The following GPR158 variants were observed in gnomAD, a reference collection of about 807,000 sequenced individuals.
GPR158 encodes G protein-coupled receptor 158, also known as metabotropic glycine receptor.
A neutral mutation model predicts 78.2 loss-of-function variants in GPR158; 30 were observed. The observed-to-expected ratio is 0.38, with a 90% CI of 0.29 to 0.52. The LOEUF is 0.52. Among genes scored for constraint, GPR158 ranks in the 20% least tolerant of loss-of-function variants. GPR158 has a pLI of 0.83. For synonymous variants in GPR158, 581 were observed against 591.1 expected (o/e 0.98, Z 0.25); for missense variants, 1,463 against 1,523.5 (o/e 0.96, Z 0.66).
At chr10:25,262,522 C>G (rs919905199) in intron 2 of GPR158, among the ~76,000 whole-genome samples, 3 of 152,054 alleles carry the variant, frequency 2.0e-5, no homozygotes, top group Non-Finnish European at 4.4e-5. Flanking sequence ...TAAATACCCA[C>G]AAATTTCTAG....
At chr10:25,245,677 A>C (rs970553319) in intron 2 of GPR158, among the ~76,000 whole-genome samples, 2 of 152,212 alleles carry the variant, frequency 1.3e-5, no homozygotes, top group African/African-American at 4.8e-5. Flanking sequence ...GAACTTTTTA[A>C]AGAGAAGACA....
At chr10:25,441,067 T>C (rs1835060103) in intron 4 of GPR158, among the ~76,000 whole-genome samples, 1 of 152,172 alleles carries the variant, frequency 6.6e-6, no homozygotes, top group Non-Finnish European at 1.5e-5. Context: ...CTATAACCCT[T>C]GTGGGCCTAT....
Position 25,602,013 on chromosome 10 carries a change from C to T in GPR158, c.*2739C>T, listed in dbSNP as rs1837506426. On this transcript the variant is annotated 3_prime_UTR_variant, in exon 11 of 11. Coordinates refer to ENST00000376351, the MANE Select transcript of GPR158 (RefSeq NM_020752.3). ...TGCATGCAAGTTATGACAGGTAGGA[C>T]TGAAAAAACACTGCCTTTTGACTTC... 6.6e-6 allele frequency: 1 copy of T among 152,518 alleles called. No individual in the cohort carries two copies. The highest frequency in any genetic ancestry group is 2.1e-4 in the South Asian group (1 of 4,820). 9.4% of individuals were successfully genotyped at this position (152,518 alleles called of 1,614,324 possible). A position where few individuals can be genotyped will look rare whatever the true frequency, so the allele number is the denominator to read the frequency against.
At chr10:25,311,453 A>G (rs1301560776) in intron 2 of GPR158, among the ~76,000 whole-genome samples, 1 of 151,894 alleles carries the variant, frequency 6.6e-6, no homozygotes, top group Admixed American at 6.6e-5. Context: ...TTATAACATT[A>G]TATTCAGTCT....
At chr10:25,547,026 G>A (rs1836669520) in intron 5 of GPR158, among the ~76,000 whole-genome samples, 1 of 152,130 alleles carries the variant, frequency 6.6e-6, no homozygotes, top group African/African-American at 2.4e-5. Flanking sequence ...AGTATTGAGA[G>A]CCACTGAAAG....
intron 2 of GPR158, among the ~76,000 whole-genome samples, chr10:25,262,313 A>G (rs1461704445): frequency 6.6e-6 from 1 of 152,124 alleles, no homozygotes. Flanking sequence ...ATTGCTTTTC[A>G]TAATAATGGA....
chr10:25,478,043 A>G (rs1262889891), intron 5 of GPR158, among the ~76,000 whole-genome samples: 2 of 152,168 alleles, frequency 1.3e-5, no homozygotes, highest in Non-Finnish European at 2.9e-5. Flanking sequence ...AAGTCTGATC[A>G]TTGGTGGGAG....
rs559326486 is a variant in GPR158 at position 25,261,474 on chromosome 10, T to C, written c.1008+40317T>C. Among the ~76,000 whole-genome samples, 21 of 152,274 alleles carry C rather than the reference T, an allele frequency of 1.4e-4. No individual in the cohort carries two copies. The South Asian group carries it at 3.3e-3, about 24-fold the overall frequency. ...TTACATCATTCTCTTTTTTTATGTC[T>C]TTTGCACTATGCTGATACAATTTTG... On this transcript the variant is annotated intron_variant, in intron 2 of 10. Coordinates refer to ENST00000376351, the MANE Select transcript of GPR158 (RefSeq NM_020752.3).
At chr10:25,278,579 A>G (rs1285607209) in intron 2 of GPR158, among the ~76,000 whole-genome samples, 2 of 152,056 alleles carry the variant, frequency 1.3e-5, no homozygotes, top group Non-Finnish European at 2.9e-5. Flanking sequence ...AGTGTATTTC[A>G]CTAACAATAA....
intron 1 of GPR158, among the ~76,000 whole-genome samples, chr10:25,218,319 T>G (rs1326984775): frequency 6.6e-6 from 1 of 152,184 alleles, no homozygotes; most frequent in African/African-American, 2.4e-5. Flanking sequence ...GCTTGAGGTC[T>G]GCGGTGACTT....
intron 5 of GPR158, among the ~76,000 whole-genome samples, chr10:25,537,566 ATATATT>A (rs1173182107): frequency 4.6e-5 from 7 of 152,120 alleles, no homozygotes; most frequent in Middle Eastern, 3.2e-3. Context: ...ACAATTTTAT[ATATATT>A]TATATTATTG....
chr10:25,418,472 G>A (rs1226910266), intron 4 of GPR158, among the ~76,000 whole-genome samples: 3 of 152,058 alleles, frequency 2.0e-5, no homozygotes, highest in African/African-American at 4.8e-5. Flanking sequence ...GGTTAAAGAT[G>A]AAATCTGTCA....
intron 2 of GPR158, among the ~76,000 whole-genome samples, chr10:25,376,153 G>C (rs1021807127): frequency 6.6e-6 from 1 of 151,420 alleles, no homozygotes; most frequent in Non-Finnish European, 1.5e-5. Context: ...TTGATATTGT[G>C]ATTTTAATTT....
Position 25,598,742 on chromosome 10 carries a change from A to T in GPR158, c.3116A>T (p.Asn1039Ile). Residue 1039 changes from asparagine to isoleucine, a missense_variant, in exon 11 of 11, where the codon AAC (asparagine) becomes ATC (isoleucine). Transcript: ENST00000376351. Reference sequence around the variant, plus strand: ...ATTGTGGCTTCTGAAATGGAGAAAAACCCCACTTTTTCCTTAAAGGAGAAA... The same window carrying T: ...ATTGTGGCTTCTGAAATGGAGAAAATCCCCACTTTTTCCTTAAAGGAGAAA... ...VSIVASEMEK[N>I]PTFSLKEKSH... 6.2e-7 allele frequency: 1 copy of T among 1,613,902 alleles called. No individual in the cohort carries two copies. Among genetic ancestry groups the T allele is most frequent in the Non-Finnish European group, 8.5e-7 (1 of 1,179,970 alleles).
chr10:25,428,699 T>C (rs953386132), intron 4 of GPR158, among the ~76,000 whole-genome samples: 1 of 152,076 alleles, frequency 6.6e-6, no homozygotes, highest in Non-Finnish European at 1.5e-5. Context: ...GGAGAATGTA[T>C]CACTGCTTTC....
intron 2 of GPR158, among the ~76,000 whole-genome samples, chr10:25,381,120 G>T (rs1330814763): frequency 6.6e-6 from 1 of 152,202 alleles, no homozygotes; most frequent in Admixed American, 6.5e-5. Context: ...AAAGAAGTAG[G>T]AGGAGAATTG....
chr10:25,596,843 G>A, intron 10 of GPR158, 54 bp downstream of exon 10: 1 of 1,530,650 alleles, frequency 6.5e-7, no homozygotes, highest in Non-Finnish European at 9.0e-7. Flanking sequence ...TATTTATACA[G>A]GCAGGCGTGT....
chr10:25,598,990 C>A lies in GPR158; in HGVS notation c.3364C>A (p.Pro1122Thr). The A allele has an allele frequency of 6.2e-7, 1 of 1,614,070 alleles. No homozygotes were observed. Among genetic ancestry groups the A allele is most frequent in the South Asian group, 1.1e-5 (1 of 91,074 alleles). The change falls in exon 11 of 11, where the codon CCC (proline) becomes ACC (threonine). Residue 1122 changes from proline to threonine, a missense_variant. Pro to Thr is a conservative substitution (Grantham distance 38). Coordinates refer to ENST00000376351, the MANE Select transcript of GPR158 (RefSeq NM_020752.3). Reference protein sequence around the residue: ...VCAGQSEELPPKAVASKTENE... With the variant: ...VCAGQSEELPTKAVASKTENE... The stretch of plus-strand genomic sequence containing the variant: ...TGCTGGGCAGAGCGAAGAACTGCCC[C>A]CCAAAGCTGTAGCATCAAAAACAGA...
intron 2 of GPR158, among the ~76,000 whole-genome samples, chr10:25,228,724 T>C (rs1001804452): frequency 6.6e-6 from 1 of 151,978 alleles, no homozygotes; most frequent in African/African-American, 2.4e-5. Context: ...TTTATTACTG[T>C]GGAAATGTGT....
Sources: allele counts gnomAD v4.1 joint callset (sites outside exome capture counted in the v4.1 genomes callset), GRCh38; gene constraint gnomAD v4.1.1; transcripts MANE v1.5; gene names NCBI Gene and HGNC (gene_info 2026-07-23, HGNC 2026-07-21).